Variants in TMEM178B observed in about 807,000 individuals in gnomAD.
TMEM178B encodes transmembrane protein 178B.
TMEM178B carries 5 observed loss-of-function variants against 31.0 expected under a neutral mutation model. That is an observed-to-expected ratio of 0.16 (90% CI 0.08 to 0.34). The LOEUF (loss-of-function observed/expected upper bound fraction) is 0.34. Ranked by LOEUF, TMEM178B falls within the 10% of genes least tolerant of loss-of-function variation. The pLI is 1.00. For missense variants in TMEM178B, 275 were observed against 400.3 expected, an observed-to-expected ratio of 0.69 and a Z score of 2.67; for synonymous variants, 164 against 164.0, an observed-to-expected ratio of 1.00 and a Z score of 0.00.
At chr7:141,403,214 G>A (rs1185482829) in intron 2 of TMEM178B, among the ~76,000 whole-genome samples, 2 of 152,172 alleles carry the variant, frequency 1.3e-5, no homozygotes, top group Non-Finnish European at 2.9e-5. Flanking sequence ...TCATGCAGCC[G>A]GCCATGTGTG....
At chr7:141,483,999 G>A (rs866859009), downstream of TMEM178B, among the ~76,000 whole-genome samples, 6 of 152,212 alleles carry the variant, frequency 3.9e-5, no homozygotes, top group Middle Eastern at 0.01. Context: ...GCCTCCCAAA[G>A]TCCTGGGATT....
rs1156742352 is a variant in TMEM178B at position 141,471,263 on chromosome 7, C to T, written c.*477C>T. On this transcript the variant is annotated 3_prime_UTR_variant, in exon 4 of 4. Coordinates refer to ENST00000565468, the MANE Select transcript of TMEM178B (RefSeq NM_001195278.2). The surrounding 1 kb of genome is among the most constrained non-coding windows in gnomAD (Gnocchi z 4.1). ...CAGAATCACTTCTTCTCCTGCTCTT[C>T]CTGTTCGGACTTCCTTCCCAGCCCA... The T allele has an allele frequency of 6.6e-6, 1 of 152,198 alleles. No individual in the cohort carries two copies. The highest frequency in any genetic ancestry group is 1.5e-5 in the Non-Finnish European group (1 of 68,048). 9.4% of individuals were successfully genotyped at this position (152,198 alleles called of 1,614,324 possible). A position where few individuals can be genotyped will look rare whatever the true frequency, so the allele number is the denominator to read the frequency against.
intron 1 of TMEM178B, among the ~76,000 whole-genome samples, chr7:141,190,673 A>G (rs1356627418): frequency 1.3e-5 from 2 of 152,184 alleles, no homozygotes; most frequent in Non-Finnish European, 2.9e-5. Flanking sequence ...GGCACTTGAC[A>G]TATGGTTTCT....
At chr7:141,448,090 C>T (rs1372041063) in intron 3 of TMEM178B, among the ~76,000 whole-genome samples, 5 of 151,848 alleles carry the variant, frequency 3.3e-5, no homozygotes, top group East Asian at 3.9e-4. Flanking sequence ...TTAAGACCAC[C>T]GCTTGCCTTT....
intron 1 of TMEM178B, among the ~76,000 whole-genome samples, chr7:141,151,280 C>T (rs1338423930): frequency 1.3e-5 from 2 of 152,164 alleles, no homozygotes; most frequent in African/African-American, 2.4e-5. Flanking sequence ...CACCAGGTCT[C>T]ATGTACTTTA....
At chr7:141,139,227 A>C (rs931482040) in intron 1 of TMEM178B, among the ~76,000 whole-genome samples, 3 of 152,232 alleles carry the variant, frequency 2.0e-5, no homozygotes, top group African/African-American at 7.2e-5. Context: ...AATACAATGA[A>C]TATGCAAAGA....
chr7:141,395,939 G>A (rs1029290674), intron 2 of TMEM178B, among the ~76,000 whole-genome samples: 2 of 152,060 alleles, frequency 1.3e-5, no homozygotes, highest in African/African-American at 2.4e-5. Context: ...GGGAGGGGGC[G>A]GCACTAATTA....
intron 2 of TMEM178B, among the ~76,000 whole-genome samples, chr7:141,417,921 A>C (rs935934960): frequency 6.6e-6 from 1 of 152,180 alleles, no homozygotes; most frequent in African/African-American, 2.4e-5. Flanking sequence ...GACTAGTAAG[A>C]GGTAGATCCA....
chr7:141,378,738 G>A (rs963195279), intron 2 of TMEM178B, among the ~76,000 whole-genome samples: 1 of 152,200 alleles, frequency 6.6e-6, no homozygotes, highest in Non-Finnish European at 1.5e-5. Flanking sequence ...TCCCTTAGAG[G>A]GGCTATTTTT....
At chr7:141,508,630 G>A in the TMEM178B span, among the ~76,000 whole-genome samples, 182 of 152,322 alleles carry the variant, frequency 1.2e-3, 4 homozygotes, top group South Asian at 5.2e-3. Flanking sequence ...TGGCTGGGGA[G>A]GCCTCAGAAT....
chr7:141,401,246 A>T (rs892172318), intron 2 of TMEM178B, among the ~76,000 whole-genome samples: 30 of 152,252 alleles, frequency 2.0e-4, no homozygotes, highest in African/African-American at 7.0e-4. Flanking sequence ...ATGGTAAAAA[A>T]CTGATTCTAA....
intron 2 of TMEM178B, among the ~76,000 whole-genome samples, chr7:141,396,422 G>A (rs557272598): frequency 2.0e-5 from 3 of 152,296 alleles, no homozygotes; most frequent in African/African-American, 4.8e-5. Context: ...CTGCTGTGCC[G>A]CAGGGGTCCC....
At position 141,287,825 on chromosome 7, in the gene TMEM178B, A is replaced by G. The variant is rs144767621; in HGVS notation, c.496+75121A>G. 4.4e-3 allele frequency among the ~76,000 whole-genome samples: 673 copies of G among 152,240 alleles called. 17 individuals are homozygous for G. The highest frequency in any genetic ancestry group is 0.036 in the Admixed American group (558 of 15,288). On this transcript the variant is annotated intron_variant, in intron 2 of 3. Transcript: ENST00000565468. The stretch of plus-strand genomic sequence containing the variant: ...TTATCCTTTCACTCTCTTGTGCTTC[A>G]CTTATTTCTTTATGGTGTTTATTCT...
intron 2 of TMEM178B, among the ~76,000 whole-genome samples, chr7:141,354,023 A>G (rs1185642595): frequency 6.6e-6 from 1 of 152,130 alleles, no homozygotes; most frequent in Non-Finnish European, 1.5e-5. Context: ...TGTCTACCTC[A>G]TAGTGTTAAA....
At chr7:141,410,578 G>A (rs577485430) in intron 2 of TMEM178B, among the ~76,000 whole-genome samples, 409 of 148,676 alleles carry the variant, frequency 2.8e-3, no homozygotes, top group African/African-American at 9.6e-3. Flanking sequence ...CCAGGTCAGG[G>A]TAATGGGTTG....
At chr7:141,131,079 C>T (rs111790775) in intron 1 of TMEM178B, among the ~76,000 whole-genome samples, 1 of 152,090 alleles carries the variant, frequency 6.6e-6, no homozygotes, top group Non-Finnish European at 1.5e-5. Context: ...AGTAAATCTG[C>T]TTTTTTACAG....
chr7:141,383,571 G>A (rs4726450), intron 2 of TMEM178B, among the ~76,000 whole-genome samples: 2,602 of 152,204 alleles, frequency 0.017, 32 homozygotes, highest in Non-Finnish European at 0.025. Flanking sequence ...TGGCTGCATA[G>A]TATTCCATGG....
the TMEM178B span, among the ~76,000 whole-genome samples, chr7:141,505,448 A>C: frequency 6.6e-6 from 1 of 152,220 alleles, no homozygotes; most frequent in African/African-American, 2.4e-5. Context: ...TCCTCGCTAC[A>C]CTGAACTCAG....
At chr7:141,181,684 A>G (rs181085258) in intron 1 of TMEM178B, among the ~76,000 whole-genome samples, 257 of 152,370 alleles carry the variant, frequency 1.7e-3, no homozygotes, top group East Asian at 6.7e-3. Flanking sequence ...CGGGTTCACA[A>G]CCACGAGCTA....
Sources: gnomAD v4.1 joint callset for allele counts (sites outside exome capture counted in the v4.1 genomes callset) on GRCh38, gnomAD v4.1.1 for gene constraint, Gnocchi (gnomAD v3.1) non-coding constraint, MANE v1.5 for transcripts, NCBI Gene and HGNC (gene_info 2026-07-23, HGNC 2026-07-21) for gene names.